PDZRN4: variants seen among roughly 807,000 people sequenced by gnomAD.
PDZRN4 encodes the protein PDZ domain containing ring finger 4.
Under a neutral mutation model 99.0 loss-of-function variants are expected in PDZRN4, and 70 were observed. The observed-to-expected ratio is 0.71, with a 90% CI of 0.58 to 0.86. PDZRN4 has a LOEUF of 0.86. Among genes scored for constraint, PDZRN4 ranks in the 40% least tolerant of loss-of-function variants. PDZRN4 has a pLI of 0.00. For missense variants in PDZRN4, 1,474 were observed against 1,331.2 expected (o/e 1.11, Z -1.67); for synonymous variants, 551 against 501.6 (o/e 1.10, Z -1.32).
In PDZRN4 at chr12:41,241,128, T is replaced by A. The variant is rs77664058; in HGVS notation, c.843+46940T>A. On this transcript the variant is annotated intron_variant, in intron 3 of 9. Coordinates refer to ENST00000402685, the MANE Select transcript of PDZRN4 (RefSeq NM_001164595.2). ...ACCAGAAGTGTTTCAGATTTTGGATTTTTTTAATATATTTTGGAATATACC... is the reference window on the plus strand; with the variant it reads ...ACCAGAAGTGTTTCAGATTTTGGATATTTTTAATATATTTTGGAATATACC... 5.5e-3 allele frequency among the ~76,000 whole-genome samples: 845 copies of A among 152,268 alleles called. 26 individuals are homozygous for A. The East Asian group carries it at 0.086, about 15-fold the overall frequency.
chr12:41,403,701 T>C (rs1952321342), intron 3 of PDZRN4, among the ~76,000 whole-genome samples: 1 of 152,152 alleles, frequency 6.6e-6, no homozygotes, highest in African/African-American at 2.4e-5. Flanking sequence ...TTTCTGACAA[T>C]AAGTGAGAGA....
At chr12:41,472,777 T>C (rs543167964) in intron 3 of PDZRN4, among the ~76,000 whole-genome samples, 13 of 152,322 alleles carry the variant, frequency 8.5e-5, no homozygotes, top group Middle Eastern at 3.4e-3. Context: ...GTTAAAAAAC[T>C]GTGGCATAGA....
intron 3 of PDZRN4, among the ~76,000 whole-genome samples, chr12:41,426,461 G>T (rs1211226019): frequency 6.6e-6 from 1 of 152,186 alleles, no homozygotes; most frequent in Non-Finnish European, 1.5e-5. Flanking sequence ...GACCAAAGAT[G>T]CTATGCTAAA....
intron 3 of PDZRN4, among the ~76,000 whole-genome samples, chr12:41,345,349 TTCC>T (rs1426471086): frequency 6.6e-6 from 1 of 152,164 alleles, no homozygotes; most frequent in Non-Finnish European, 1.5e-5. Context: ...TCGGTGTGTC[TTCC>T]TCCTCCCTCT....
At chr12:41,258,032 G>T (rs1384331423) in intron 3 of PDZRN4, among the ~76,000 whole-genome samples, 1 of 152,130 alleles carries the variant, frequency 6.6e-6, no homozygotes, top group Non-Finnish European at 1.5e-5. Flanking sequence ...GAACTTGAGT[G>T]ATCCGGGCAT....
chr12:41,532,902 A>C (rs1273181174), intron 5 of PDZRN4, among the ~76,000 whole-genome samples: 3 of 152,196 alleles, frequency 2.0e-5, no homozygotes, highest in African/African-American at 7.2e-5. Context: ...TTCATGAAAG[A>C]TTAATTCATG....
intron 3 of PDZRN4, among the ~76,000 whole-genome samples, chr12:41,265,370 C>G (rs368484215): frequency 1.3e-5 from 2 of 152,086 alleles, no homozygotes; most frequent in Non-Finnish European, 2.9e-5. Flanking sequence ...TATAATTTAA[C>G]ATAGATTTAA....
chr12:41,452,199 G>C (rs181382956), intron 3 of PDZRN4, among the ~76,000 whole-genome samples: 291 of 151,800 alleles, frequency 1.9e-3, no homozygotes, highest in Middle Eastern at 0.017. Flanking sequence ...GGAGGCTGAG[G>C]CAGGCGAATC....
chr12:41,295,450 T>C (rs1951486063), intron 3 of PDZRN4, among the ~76,000 whole-genome samples: 1 of 152,070 alleles, frequency 6.6e-6, no homozygotes. Context: ...TTTTTTTCTC[T>C]GCAGGACAAA....
chr12:41,265,436 C>T (rs1951269481), intron 3 of PDZRN4, among the ~76,000 whole-genome samples: 1 of 152,054 alleles, frequency 6.6e-6, no homozygotes, highest in African/African-American at 2.4e-5. Flanking sequence ...TATGGTTTTA[C>T]CTTAAGAAAC....
chr12:41,335,078 T>C (rs1053279407), intron 3 of PDZRN4, among the ~76,000 whole-genome samples: 2 of 152,036 alleles, frequency 1.3e-5, no homozygotes, highest in Admixed American at 6.6e-5. Flanking sequence ...AATATAAACA[T>C]ATTAAATATA....
chr12:41,329,395 C>A (rs186755455), intron 3 of PDZRN4, among the ~76,000 whole-genome samples: 2 of 152,068 alleles, frequency 1.3e-5, no homozygotes, highest in Non-Finnish European at 2.9e-5. Context: ...CCATGTTATG[C>A]TTTTGAAAAG....
intron 3 of PDZRN4, among the ~76,000 whole-genome samples, chr12:41,280,035 G>A (rs1446559366): frequency 6.6e-6 from 1 of 152,134 alleles, no homozygotes; most frequent in Non-Finnish European, 1.5e-5. Flanking sequence ...ATTGGGACTG[G>A]TTAGACAGTG....
chr12:41,567,224 A>C (rs1227651322), intron 8 of PDZRN4, among the ~76,000 whole-genome samples: 2 of 152,172 alleles, frequency 1.3e-5, no homozygotes, highest in Non-Finnish European at 2.9e-5. Context: ...AATAACTTAG[A>C]ATTTTCCTTT....
At chr12:41,281,716 T>C (rs570603199) in intron 3 of PDZRN4, among the ~76,000 whole-genome samples, 1 of 152,300 alleles carries the variant, frequency 6.6e-6, no homozygotes, top group African/African-American at 2.4e-5. Context: ...TATGGGACTA[T>C]GTGAAAAGAC....
At chr12:41,238,348 G>T (rs1439278275) in intron 3 of PDZRN4, among the ~76,000 whole-genome samples, 1 of 152,062 alleles carries the variant, frequency 6.6e-6, no homozygotes, top group African/African-American at 2.4e-5. Flanking sequence ...TGCAGAAGTT[G>T]CTTATCAGGT....
At chr12:41,516,471 G>A (rs1938402410) in intron 5 of PDZRN4, among the ~76,000 whole-genome samples, 1 of 152,038 alleles carries the variant, frequency 6.6e-6, no homozygotes, top group Non-Finnish European at 1.5e-5. Flanking sequence ...ATAACAATTT[G>A]AAATAAAGTA....
At chr12:41,321,998 T>C (rs10880029) in intron 3 of PDZRN4, among the ~76,000 whole-genome samples, 101,800 of 151,948 alleles carry the variant, frequency 0.67, 37,331 homozygotes, top group Middle Eastern at 0.82. Flanking sequence ...AACACACCTC[T>C]GGGCTGGTGC....
At chr12:41,480,380 A>C (rs1937653723) in intron 3 of PDZRN4, among the ~76,000 whole-genome samples, 1 of 152,156 alleles carries the variant, frequency 6.6e-6, no homozygotes, top group Admixed American at 6.6e-5. Flanking sequence ...TTCTATATCT[A>C]TTTATTATAT....
Sources: gnomAD v4.1 joint callset for allele counts (sites outside exome capture counted in the v4.1 genomes callset) on GRCh38, gnomAD v4.1.1 for gene constraint, MANE v1.5 for transcripts, NCBI Gene and HGNC (gene_info 2026-07-23, HGNC 2026-07-21) for gene names.